Variants in MYEF2 observed in about 807,000 individuals in gnomAD.
MYEF2 encodes the protein myelin gene expression factor 2.
MYEF2 carries 37 observed loss-of-function variants against 75.2 expected under a neutral mutation model. The ratio of observed to expected loss-of-function variants is 0.49; its 90% CI spans 0.38 to 0.65. The LOEUF (loss-of-function observed/expected upper bound fraction) is 0.65, where lower values mean the gene tolerates loss of function less well. MYEF2 is among the 30% of genes least tolerant of loss of function. The pLI, the probability that MYEF2 is intolerant of heterozygous loss-of-function variation, is 0.00. For synonymous variants in MYEF2, 195 were observed against 241.6 expected, an observed-to-expected ratio of 0.81 and a Z score of 1.79; for missense variants, 634 against 771.4, an observed-to-expected ratio of 0.82 and a Z score of 2.11.
chr15:48,159,044 T>C, intron 6 of MYEF2, 122 bp from the exon 7 acceptor site: 1 of 795,968 alleles, frequency 1.3e-6, no homozygotes, highest in Non-Finnish European at 1.9e-6. Flanking sequence ...CAACAATATA[T>C]TGATAATGTT....
At position 48,134,707 on chromosome 15, in the gene MYEF2, G is replaced by T. The variant is rs1044051334; in HGVS notation, c.*8201C>A. ...TAATGTTAATCCACAAATAGCTCTT[G>T]GTCAGATTTATGAAAGTCTGTGTAA... On this transcript the variant is annotated 3_prime_UTR_variant, in exon 17 of 17. Transcript: ENST00000324324. 5.6e-6 allele frequency: 4 copies of T among 714,678 alleles called. No homozygotes were observed. Among genetic ancestry groups the T allele is most frequent in the Non-Finnish European group, 9.1e-6 (4 of 438,780 alleles). 44.3% of individuals were successfully genotyped at this position (714,678 alleles called of 1,614,324 possible). A position where few individuals can be genotyped will look rare whatever the true frequency, so the allele number is the denominator to read the frequency against.
intron 2 of MYEF2, 135 bp downstream of exon 2, chr15:48,168,496 G>T: frequency 1.5e-6 from 1 of 671,464 alleles, no homozygotes; most frequent in Non-Finnish European, 2.5e-6. Flanking sequence ...AAGAGGAAAA[G>T]ATTAATTCAC....
chr15:48,142,841 A>T lies in MYEF2; in HGVS notation c.*67T>A, dbSNP rs554325496. 28 of 1,444,678 alleles carry T rather than the reference A, an allele frequency of 1.9e-5. No individual in the cohort carries two copies. Among genetic ancestry groups the T allele is most frequent in the Admixed American group, 1.2e-4 (5 of 40,812 alleles). 89.5% of individuals were successfully genotyped at this position (1,444,678 alleles called of 1,614,324 possible). A position where few individuals can be genotyped will look rare whatever the true frequency, so the allele number is the denominator to read the frequency against. Reference sequence around the variant, plus strand: ...TTTTGTAAGCATACAATATTACTTTAAAAAAATGACTTTTACTAGGAGATT... The same window carrying T: ...TTTTGTAAGCATACAATATTACTTTTAAAAAATGACTTTTACTAGGAGATT... On this transcript the variant is annotated 3_prime_UTR_variant, in exon 17 of 17. Transcript: ENST00000324324.
Position 48,136,482 on chromosome 15 carries a change from G to T in MYEF2, c.*6426C>A. 1 of 410,908 alleles carries T rather than the reference G, an allele frequency of 2.4e-6. No individual in the cohort carries two copies. The allele number at this position is 410,908 out of a possible 1,614,324, so 25.5% of individuals were successfully genotyped here. On this transcript the variant is annotated 3_prime_UTR_variant, in exon 17 of 17. Transcript: ENST00000324324. ...TTTTTAAAAAAAAAAAAACAACACA[G>T]AAGTGTCCAGCTTTTATCAATAAAC...
In MYEF2 at chr15:48,136,861, T is replaced by C. The variant is rs141831999; in HGVS notation, c.*6047A>G. On this transcript the variant is annotated 3_prime_UTR_variant, in exon 17 of 17. Coordinates refer to ENST00000324324, the MANE Select transcript of MYEF2 (RefSeq NM_016132.5). The stretch of plus-strand genomic sequence containing the variant: ...GGGCTGGGAAGATGAAGGTCAACCA[T>C]TCATTCGTCGGCAATCAAGAACTGA... 9.3e-6 allele frequency: 15 copies of C among 1,613,748 alleles called. No individual in the cohort carries two copies. The highest frequency in any genetic ancestry group is 1.3e-5 in the Non-Finnish European group (15 of 1,179,844).
chr15:48,142,984 T>C lies in MYEF2; in HGVS notation c.1727A>G (p.Glu576Gly), dbSNP rs746859592. 5.6e-6 allele frequency: 9 copies of C among 1,604,532 alleles called. No individual in the cohort carries two copies. In the East Asian group the frequency reaches 1.8e-4, roughly 32 times the overall value. ...GCCATTCATTATTCTGCAGGCTTTTTCAGCTGATTCTGGGGAGTCAAATCT... is the reference window on the plus strand; with the variant it reads ...GCCATTCATTATTCTGCAGGCTTTTCCAGCTGATTCTGGGGAGTCAAATCT... ...TVRFDSPESA[E>G]KACRIMNGIK... The change falls in exon 17 of 17, where the codon GAA (glutamate) becomes GGA (glycine). Residue 576 changes from glutamate to glycine, a missense_variant. Physicochemically the swap from Glu to Gly is moderately conservative, Grantham distance 98. Transcript: ENST00000324324.
chr15:48,164,420 A>C (rs889870067), intron 5 of MYEF2, among the ~76,000 whole-genome samples: 1 of 152,162 alleles, frequency 6.6e-6, no homozygotes, highest in African/African-American at 2.4e-5. Context: ...ATGAGCAAAG[A>C]AAGTCATTTC....
At position 48,149,081 on chromosome 15, in the gene MYEF2, T is replaced by A; in HGVS notation, c.1590A>T (p.Leu530=). 1 of 1,613,220 alleles carries A rather than the reference T, an allele frequency of 6.2e-7. No individual in the cohort carries two copies. Among genetic ancestry groups the A allele is most frequent in the Non-Finnish European group, 8.5e-7 (1 of 1,179,330 alleles). ...GTTTCTGCCAAGTCAAGTCAAAAGG[T>A]AGCTAGAATGAAAAGAGGTATTAGT... The part of the protein sequence containing the change: ...SKGNQIFVRN[L]PFDLTWQKLK... Residue 530 remains leucine, a splice_region_variant and synonymous_variant, in exon 16 of 17, where the codon CTA becomes CTT. Coordinates refer to ENST00000324324, the MANE Select transcript of MYEF2 (RefSeq NM_016132.5). This position sits in a 1 kb window ranked among gnomAD's most constrained non-coding sequence, Gnocchi z 4.0.
At position 48,177,963 on chromosome 15, in the gene MYEF2, G is replaced by T. The variant is rs895540403; in HGVS notation, c.161+114C>A. ...TCCTCAGGAAGCCGATGGCCCGGGG[G>T]CGGGCCGGGGTCTGGGGGTGGTTGT... is the stretch of plus-strand genomic sequence containing the variant. On this transcript the variant is annotated intron_variant, in intron 1 of 16. Coordinates refer to ENST00000324324, the MANE Select transcript of MYEF2 (RefSeq NM_016132.5). The T allele has an allele frequency of 4.4e-6, 6 of 1,358,340 alleles. No individual in the cohort carries two copies. The African/African-American group carries it at 7.6e-5, about 17-fold the overall frequency. 84.1% of individuals were successfully genotyped at this position (1,358,340 alleles called of 1,614,324 possible).
chr15:48,158,463 C>T (rs1252943287), intron 7 of MYEF2, among the ~76,000 whole-genome samples: 1 of 152,072 alleles, frequency 6.6e-6, no homozygotes, highest in Non-Finnish European at 1.5e-5. Flanking sequence ...ACTCGTAAGG[C>T]TTCGCTTAAA....
At chr15:48,164,867 TTAAAC>T (rs1033466372) in intron 5 of MYEF2, among the ~76,000 whole-genome samples, 2 of 152,184 alleles carry the variant, frequency 1.3e-5, no homozygotes, top group African/African-American at 4.8e-5. Context: ...ATTGCACACT[TTAAAC>T]AGAATATAGT....
chr15:48,146,265 C>G (rs1043015498), intron 16 of MYEF2, among the ~76,000 whole-genome samples: 2 of 151,842 alleles, frequency 1.3e-5, no homozygotes, highest in Non-Finnish European at 2.9e-5. Context: ...TTTATTTATA[C>G]TCAGCCTTTT....
At chr15:48,158,318 G>C in intron 7 of MYEF2, 94 bp from the exon 8 acceptor site, 1 of 1,176,828 alleles carries the variant, frequency 8.5e-7, no homozygotes, top group Non-Finnish European at 1.2e-6. Context: ...CCAACTCTCT[G>C]ATATTTTAAT....
At chr15:48,162,403 A>G (rs962265146) in intron 5 of MYEF2, among the ~76,000 whole-genome samples, 3 of 152,172 alleles carry the variant, frequency 2.0e-5, no homozygotes, top group African/African-American at 7.2e-5. Flanking sequence ...AGGTGCTATC[A>G]TTACTCCCAT....
At chr15:48,159,004 T>C in intron 6 of MYEF2, 82 bp from the exon 7 acceptor site, 1 of 1,220,906 alleles carries the variant, frequency 8.2e-7, no homozygotes, top group Non-Finnish European at 1.2e-6. Flanking sequence ...TTCTAAACTC[T>C]TAAAACCATA....
At position 48,168,652 on chromosome 15, in the gene MYEF2, T is replaced by G; in HGVS notation, c.349A>C (p.Lys117Gln). 1 of 1,613,644 alleles carries G rather than the reference T, an allele frequency of 6.2e-7. No homozygotes were observed. Among genetic ancestry groups the G allele is most frequent in the Non-Finnish European group, 8.5e-7 (1 of 1,179,662 alleles). Residue 117 changes from lysine to glutamine, a missense_variant, in exon 2 of 17, where the codon AAA becomes CAA. Lys to Gln is a moderately conservative substitution (Grantham distance 53, BLOSUM62 1). Coordinates refer to ENST00000324324, the MANE Select transcript of MYEF2 (RefSeq NM_016132.5). ...IPYDMKWQAI[K>Q]DLMREKVGEV... ...TTACCTTTCTCTCTCATTAGATCTT[T>G]AATAGCTTGCCATTTCATGTCATAT...
chr15:48,153,626 G>T, intron 10 of MYEF2, 166 bp downstream of exon 10: 1 of 598,592 alleles, frequency 1.7e-6, no homozygotes, highest in Non-Finnish European at 2.9e-6. Flanking sequence ...TCTCTTTCAT[G>T]TTAGCTGTGC....
chr15:48,157,923 G>C (rs1173392171), intron 9 of MYEF2, 70 bp downstream of exon 9: 29 of 1,585,380 alleles, frequency 1.8e-5, no homozygotes, highest in Non-Finnish European at 2.5e-5. Context: ...CAAAAACAAA[G>C]TGTTGCTTAG....
At chr15:48,150,785 G>A (rs1238019488) in intron 14 of MYEF2, among the ~76,000 whole-genome samples, 1 of 152,100 alleles carries the variant, frequency 6.6e-6, no homozygotes, top group African/African-American at 2.4e-5. Context: ...AACAAAGTTG[G>A]TGCTAAAGCA....
Sources: allele counts gnomAD v4.1 joint callset (sites outside exome capture counted in the v4.1 genomes callset), GRCh38; gene constraint gnomAD v4.1.1; non-coding constraint Gnocchi (gnomAD v3.1); transcripts MANE v1.5; gene names NCBI Gene and HGNC (gene_info 2026-07-23, HGNC 2026-07-21).